The following JPH2 variants were observed in gnomAD, a reference collection of about 807,000 sequenced individuals.
JPH2 encodes the protein junctophilin 2.
JPH2 carries 38 observed loss-of-function variants against 55.9 expected under a neutral mutation model. The observed-to-expected ratio is 0.68, with a 90% CI of 0.52 to 0.89. The LOEUF (loss-of-function observed/expected upper bound fraction) is 0.89, where lower values mean the gene tolerates loss of function less well. JPH2 is among the 40% of genes least tolerant of loss of function. The pLI is 0.00. For synonymous variants in JPH2, 480 were observed against 472.4 expected, an observed-to-expected ratio of 1.02 and a Z score of -0.21; for missense variants, 964 against 1,037.6, an observed-to-expected ratio of 0.93 and a Z score of 0.97.
intron 2 of JPH2, among the ~76,000 whole-genome samples, chr20:44,143,956 C>G (rs1321066206): frequency 6.6e-6 from 1 of 152,054 alleles, no homozygotes; most frequent in Non-Finnish European, 1.5e-5. Flanking sequence ...GGGTGCTTGA[C>G]TCCCCAAAGA....
Position 44,159,340 on chromosome 20 carries a change from G to C in JPH2, c.1169+278C>G, listed in dbSNP as rs1171078418. Reference sequence around the variant, plus strand: ...GAAGTGGAATGGGTAGGGGAATGGAGTGGATGACTGGAGAGATGGCTGTTC... The same window carrying C: ...GAAGTGGAATGGGTAGGGGAATGGACTGGATGACTGGAGAGATGGCTGTTC... On this transcript the variant is annotated intron_variant, in intron 2 of 5. Transcript: ENST00000372980. The surrounding 1 kb of genome is among the most constrained non-coding windows in gnomAD (Gnocchi z 5.7). Among the ~76,000 whole-genome samples the C allele has an allele frequency of 6.6e-6, 1 of 152,100 alleles. No homozygotes were observed. Among genetic ancestry groups the C allele is most frequent in the Non-Finnish European group, 1.5e-5 (1 of 68,014 alleles).
chr20:44,181,112 C>T (rs1295714079), intron 1 of JPH2, among the ~76,000 whole-genome samples: 2 of 152,088 alleles, frequency 1.3e-5, no homozygotes, highest in Non-Finnish European at 1.5e-5. Flanking sequence ...ACCAGCCCCA[C>T]CTTCCCCTTC....
In JPH2 at chr20:44,122,434, T is replaced by C. The variant is rs372466747; in HGVS notation, c.1170-3811A>G. ...AACTCAGTGATCAAGAGGAATCACATTTTAATGCAATATTTTAAAAGTCTA... is the reference window on the plus strand; with the variant it reads ...AACTCAGTGATCAAGAGGAATCACACTTTAATGCAATATTTTAAAAGTCTA... On this transcript the variant is annotated intron_variant, in intron 2 of 5. Transcript: ENST00000372980. Among the ~76,000 whole-genome samples the C allele has an allele frequency of 3.6e-3, 553 of 152,366 alleles. 6 individuals are homozygous for C. The highest frequency in any genetic ancestry group is 0.012 in the African/African-American group (516 of 41,588).
intron 2 of JPH2, among the ~76,000 whole-genome samples, chr20:44,132,328 A>G (rs1324508362): frequency 2.8e-5 from 4 of 145,120 alleles, no homozygotes; most frequent in Admixed American, 6.9e-5. Flanking sequence ...CCCACTGTGA[A>G]TGAGGTGGAA....
chr20:44,184,950 C>T (rs1320669870), intron 1 of JPH2, among the ~76,000 whole-genome samples: 4 of 152,052 alleles, frequency 2.6e-5, no homozygotes, highest in South Asian at 2.1e-4. Flanking sequence ...TTCGATTTTT[C>T]GTTTTGTAAA....
At chr20:44,121,986 G>C (rs1461622965) in intron 2 of JPH2, among the ~76,000 whole-genome samples, 1 of 152,114 alleles carries the variant, frequency 6.6e-6, no homozygotes, top group Non-Finnish European at 1.5e-5. Flanking sequence ...AACTGAGCAA[G>C]ACTGCATCTC....
Position 44,107,519 on chromosome 20 carries a change from ACT to A in JPH2, c.*5997_*5998del, listed in dbSNP as rs1417130732. On this transcript the variant is annotated 3_prime_UTR_variant, in exon 6 of 6. Coordinates refer to ENST00000372980, the MANE Select transcript of JPH2 (RefSeq NM_020433.5). ...TTAGGAAGCAAATTCCATCCTCCAT[ACT>A]CTCTTTCCTTTTCCTTTGGCAGATG... 4.6e-5 allele frequency among the ~76,000 whole-genome samples: 7 copies of A among 151,818 alleles called. No homozygotes were observed. Among genetic ancestry groups the A allele is most frequent in the African/African-American group, 7.3e-5 (3 of 41,318 alleles).
In JPH2 at chr20:44,109,168, G is replaced by A. The variant is rs2072125299; in HGVS notation, c.*4350C>T. On this transcript the variant is annotated 3_prime_UTR_variant, in exon 6 of 6. Coordinates refer to ENST00000372980, the MANE Select transcript of JPH2 (RefSeq NM_020433.5). ...TAAAAGAGCACAGCTCTGGGTTTCA[G>A]TCCCAGCTCTGTCCTTCCCTCTCTG... Among the ~76,000 whole-genome samples, 1 of 152,162 alleles carries A rather than the reference G, an allele frequency of 6.6e-6. No individual in the cohort carries two copies. The highest frequency in any genetic ancestry group is 2.4e-5 in the African/African-American group (1 of 41,426).
rs1467865421 is a variant in JPH2 at position 44,115,865 on chromosome 20, G to A, written c.1810C>T (p.Leu604=). ...GGGCCTCGGAGCGTGGGGGCCTGCA[G>A]CGGGGCGGTGGCCGGGGACGAGGGC... ...SAPSSPATAP[L]QAPTLRGPEP... is the part of the protein sequence containing the mutation. The change falls in exon 4 of 6, where the codon CTG becomes TTG. Residue 604 remains leucine (L), a synonymous_variant. Transcript: ENST00000372980. 6.3e-7 allele frequency: 1 copy of A among 1,587,150 alleles called. No homozygotes were observed. The highest frequency in any genetic ancestry group is 1.3e-5 in the African/African-American group (1 of 74,684).
intron 2 of JPH2, among the ~76,000 whole-genome samples, chr20:44,135,305 C>A (rs184756251): frequency 2.4e-3 from 364 of 152,204 alleles, no homozygotes; most frequent in Admixed American, 4.2e-3. Context: ...TAGCTCCTGC[C>A]AACCTCTCTG....
At chr20:44,186,177 G>C in intron 1 of JPH2, 150 bp downstream of exon 1, 1 of 806,654 alleles carries the variant, frequency 1.2e-6, no homozygotes, top group Middle Eastern at 3.7e-4. Context: ...AGCTCAGAAA[G>C]GTAGAGCAGC....
intron 2 of JPH2, among the ~76,000 whole-genome samples, chr20:44,148,926 G>C (rs1034950504): frequency 3.9e-5 from 6 of 152,022 alleles, no homozygotes; most frequent in Non-Finnish European, 8.8e-5. Flanking sequence ...AATTAGCTGG[G>C]TGTGGTGGTG....
At chr20:44,151,516 CA>C (rs1193321209) in intron 2 of JPH2, among the ~76,000 whole-genome samples, 3 of 144,016 alleles carry the variant, frequency 2.1e-5, no homozygotes, top group South Asian at 2.3e-4. Flanking sequence ...GACTCTGTCT[CA>C]AAAAAAAAAC....
intron 1 of JPH2, among the ~76,000 whole-genome samples, chr20:44,174,907 TG>T (rs1435447257): frequency 6.6e-6 from 1 of 152,048 alleles, no homozygotes; most frequent in Non-Finnish European, 1.5e-5. Flanking sequence ...ATGGGAGGAT[TG>T]CTTGAGCCCC....
intron 1 of JPH2, among the ~76,000 whole-genome samples, chr20:44,173,789 C>G (rs1186056093): frequency 6.6e-6 from 1 of 152,184 alleles, no homozygotes; most frequent in African/African-American, 2.4e-5. Flanking sequence ...TGGCGCATGC[C>G]TGTAATCCCA....
intron 2 of JPH2, among the ~76,000 whole-genome samples, chr20:44,150,430 G>A (rs1311344627): frequency 6.6e-6 from 1 of 152,200 alleles, no homozygotes; most frequent in African/African-American, 2.4e-5. Flanking sequence ...TGGATTGGAA[G>A]ACTTAAAATT....
chr20:44,142,446 C>T (rs1446225582), intron 2 of JPH2, among the ~76,000 whole-genome samples: 1 of 152,184 alleles, frequency 6.6e-6, no homozygotes, highest in Non-Finnish European at 1.5e-5. Flanking sequence ...CACTCCACTT[C>T]AGCCCCACTG....
intron 2 of JPH2, among the ~76,000 whole-genome samples, chr20:44,136,704 C>T (rs2072415910): frequency 6.6e-6 from 1 of 152,160 alleles, no homozygotes; most frequent in Non-Finnish European, 1.5e-5. Context: ...TGGAGTCAGA[C>T]AACCTGGTTT....
intron 2 of JPH2, among the ~76,000 whole-genome samples, chr20:44,148,721 C>A (rs2072509658): frequency 6.6e-6 from 1 of 152,008 alleles, no homozygotes. Context: ...CCCCCTGATT[C>A]AACACCGGGC....
Sources: gnomAD v4.1 joint callset for allele counts (sites outside exome capture counted in the v4.1 genomes callset) on GRCh38, gnomAD v4.1.1 for gene constraint, Gnocchi (gnomAD v3.1) non-coding constraint, MANE v1.5 for transcripts, NCBI Gene and HGNC (gene_info 2026-07-23, HGNC 2026-07-21) for gene names.